The following RAB40C variants were observed in gnomAD, a reference collection of about 807,000 sequenced individuals.
RAB40C encodes RAB40C, member RAS oncogene family.
RAB40C carries 8 observed loss-of-function variants against 28.1 expected under a neutral mutation model. That is an observed-to-expected ratio of 0.28 (90% CI 0.17 to 0.51). The LOEUF (loss-of-function observed/expected upper bound fraction) is 0.51, where lower values mean the gene tolerates loss of function less well. Among genes scored for constraint, RAB40C ranks in the 20% least tolerant of loss-of-function variants. The pLI is 0.97. For missense variants in RAB40C, 288 were observed against 405.9 expected, an observed-to-expected ratio of 0.71 and a Z score of 2.50; for synonymous variants, 201 against 171.7, an observed-to-expected ratio of 1.17 and a Z score of -1.34.
chr16:627,473 G>A lies in RAB40C; in HGVS notation c.697G>A (p.Ala233Thr), dbSNP rs942580330. The stretch of plus-strand genomic sequence containing the variant: ...CTTCTCGATGGCCAACGGCATGAAC[G>A]CGGTCATGATGCACGGCCGTTCCTA... ...KSFSMANGMNAVMMHGRSYSL... is the reference protein window; with the variant it reads ...KSFSMANGMNTVMMHGRSYSL... Residue 233 changes from alanine (A) to threonine (T), a missense_variant, in exon 6 of 6, where the codon GCG becomes ACG. Around this residue, in one of 3 missense-constraint regions of RAB40C, gnomAD observed 153 missense variants for 262.4 expected, o/e 0.58. Coordinates refer to ENST00000248139, the MANE Select transcript of RAB40C (RefSeq NM_021168.5). 12 of 1,613,892 alleles carry A rather than the reference G, an allele frequency of 7.4e-6. No homozygotes were observed. The highest frequency in any genetic ancestry group is 1.7e-5 in the Admixed American group (1 of 60,010).
At chr16:619,940 T>C (rs1596414083) in intron 3 of RAB40C, among the ~76,000 whole-genome samples, 1 of 152,296 alleles carries the variant, frequency 6.6e-6, no homozygotes, top group East Asian at 1.9e-4. Context: ...GTCCTGGGAG[T>C]TCCCTCGGAG....
chr16:625,842 G>C, intron 4 of RAB40C, 57 bp from the exon 5 acceptor site: 1 of 1,485,078 alleles, frequency 6.7e-7, no homozygotes, highest in Non-Finnish European at 9.2e-7. Context: ...GCCCTGCTGC[G>C]GCTGAGGGGT....
intron 1 of RAB40C, among the ~76,000 whole-genome samples, chr16:603,075 T>A (rs2036288840): frequency 6.6e-6 from 1 of 152,186 alleles, no homozygotes; most frequent in South Asian, 2.1e-4. Context: ...GCCTCCTGAG[T>A]AGCTGGGGCC....
At chr16:601,847 G>T (rs1435916559) in intron 1 of RAB40C, among the ~76,000 whole-genome samples, 1 of 115,448 alleles carries the variant, frequency 8.7e-6, no homozygotes, top group Non-Finnish European at 1.9e-5. Context: ...AAAAAAAAAG[G>T]CCGGATGCGG....
intron 1 of RAB40C, among the ~76,000 whole-genome samples, chr16:614,941 G>A (rs2036557768): frequency 6.6e-6 from 1 of 152,218 alleles, no homozygotes; most frequent in Non-Finnish European, 1.5e-5. Flanking sequence ...CTGCTTAATG[G>A]CGTTGTCCCT....
At chr16:598,376 CAAAA>C (rs59657468) in intron 1 of RAB40C, among the ~76,000 whole-genome samples, 2 of 132,912 alleles carry the variant, frequency 1.5e-5, no homozygotes. Flanking sequence ...GACTCCACCT[CAAAA>C]AAAAAAAAAA....
intron 2 of RAB40C, among the ~76,000 whole-genome samples, 175 bp from the exon 3 acceptor site, chr16:618,025 C>T (rs777858212): frequency 3.3e-5 from 5 of 152,144 alleles, no homozygotes; most frequent in South Asian, 2.1e-4. Context: ...CTCAGCGGCA[C>T]GGCGCCAGGC....
chr16:619,923 G>A (rs192711471), intron 3 of RAB40C, among the ~76,000 whole-genome samples: 131 of 152,346 alleles, frequency 8.6e-4, no homozygotes, highest in African/African-American at 3.1e-3. Context: ...GGGCTGGGTC[G>A]CACCCTGTCC....
At chr16:618,160 G>A in intron 2 of RAB40C, 40 bp from the exon 3 acceptor site, 3 of 1,596,936 alleles carry the variant, frequency 1.9e-6, no homozygotes, top group South Asian at 2.2e-5. Flanking sequence ...CCTCTCACAG[G>A]GACCACAGTC....
chr16:626,471 G>A (rs895688210), intron 5 of RAB40C, among the ~76,000 whole-genome samples: 8 of 152,192 alleles, frequency 5.3e-5, no homozygotes, highest in Non-Finnish European at 1.2e-4. Flanking sequence ...CACAGGAGCC[G>A]TGCCTGCAGC....
intron 1 of RAB40C, among the ~76,000 whole-genome samples, chr16:592,263 C>G (rs992270761): frequency 4.6e-5 from 7 of 152,230 alleles, no homozygotes. Flanking sequence ...CCTTTGGCTG[C>G]TGAGAGTGTG....
chr16:597,964 A>AT lies in RAB40C; in HGVS notation c.142+7531_142+7532insT, dbSNP rs2036167392. Reference sequence around the variant, plus strand: ...AAAAAAAAAAAAAAAAAAAAAAAAAAGGCCGGGTGCAGTGGCTCACACCTG... The same window carrying AT: ...AAAAAAAAAAAAAAAAAAAAAAAAAATGGCCGGGTGCAGTGGCTCACACCTG... On this transcript the variant is annotated intron_variant, in intron 1 of 5. Transcript: ENST00000248139. 6.8e-5 allele frequency among the ~76,000 whole-genome samples: 10 copies of AT among 148,016 alleles called. 1 individual carries two copies. The South Asian group carries it at 2.2e-3, about 32-fold the overall frequency.
chr16:589,669 G>A (rs963603322), upstream of RAB40C: 24 of 152,324 alleles, frequency 1.6e-4, 1 homozygote, highest in African/African-American at 5.5e-4. Context: ...GGCGGCTCTG[G>A]GATTTCTCTG....
At chr16:623,004 AC>A (rs1336790856) in intron 3 of RAB40C, among the ~76,000 whole-genome samples, 1 of 151,448 alleles carries the variant, frequency 6.6e-6, no homozygotes, top group East Asian at 2.0e-4. Flanking sequence ...CCTCACTGTG[AC>A]CCACGCCGGA....
At chr16:589,607 G>A (rs539746497), upstream of RAB40C, 21 of 152,440 alleles carry the variant, frequency 1.4e-4, no homozygotes, top group African/African-American at 4.8e-4. Context: ...CAATGGCGCC[G>A]GCGACGGGGC....
chr16:627,395 C>T lies in RAB40C; in HGVS notation c.619C>T (p.His207Tyr), dbSNP rs887252783. 1 of 1,613,948 alleles carries T rather than the reference C, an allele frequency of 6.2e-7. No homozygotes were observed. The highest frequency in any genetic ancestry group is 8.5e-7 in the Non-Finnish European group (1 of 1,179,998). ...GGCCATCGTCTCCTGCACCCCCGTG[C>T]ACCTCATCGACAAGCTTCCACTGCC... ...CRAIVSCTPV[H>Y]LIDKLPLPVT... The change falls in exon 6 of 6, where the codon CAC (histidine) becomes TAC (tyrosine). Residue 207 changes from histidine to tyrosine, a missense_variant. By Grantham distance (83) the His-to-Tyr change is moderately conservative. Coordinates refer to ENST00000248139, the MANE Select transcript of RAB40C (RefSeq NM_021168.5).
At chr16:596,916 A>G (rs2036138970) in intron 1 of RAB40C, among the ~76,000 whole-genome samples, 1 of 152,220 alleles carries the variant, frequency 6.6e-6, no homozygotes, top group Admixed American at 6.5e-5. Context: ...TGATACAGGC[A>G]GTGCGCGGCT....
At chr16:625,225 CT>C (rs1046484165) in intron 3 of RAB40C, 22 of 1,437,686 alleles carry the variant, frequency 1.5e-5, no homozygotes, top group Non-Finnish European at 2.0e-5. Context: ...GCCCACCCCC[CT>C]GCTGCAGTCC....
chr16:617,791 T>G (rs111826295), intron 2 of RAB40C, among the ~76,000 whole-genome samples: 1 of 151,640 alleles, frequency 6.6e-6, no homozygotes, highest in Non-Finnish European at 1.5e-5. Context: ...TGCAGTGAGC[T>G]GAGATTGCAC....
Sources: gnomAD v4.1 joint callset for allele counts (sites outside exome capture counted in the v4.1 genomes callset) on GRCh38, gnomAD v4.1.1 for gene constraint, gnomAD v4.1.1 regional missense constraint, MANE v1.5 for transcripts, NCBI Gene and HGNC (gene_info 2026-07-23, HGNC 2026-07-21) for gene names.